Variants in SLC25A44 observed in about 807,000 individuals in gnomAD.
The protein encoded by SLC25A44 is solute carrier family 25, member 44.
In SLC25A44, 17 loss-of-function variants were observed where a neutral mutation model predicts 29.9. That is an observed-to-expected ratio of 0.57 (90% CI 0.39 to 0.85). SLC25A44 has a LOEUF of 0.85. Ranked by LOEUF, SLC25A44 falls within the 40% of genes least tolerant of loss-of-function variation. The pLI, the probability that SLC25A44 is intolerant of heterozygous loss-of-function variation, is 0.00. For missense variants in SLC25A44, 302 were observed against 398.4 expected (o/e 0.76, Z 2.06); for synonymous variants, 140 against 151.8 (o/e 0.92, Z 0.57).
Position 156,199,950 on chromosome 1 carries a change from G to A in SLC25A44, c.103G>A (p.Val35Ile), listed in dbSNP as rs746490324. 4 of 1,614,070 alleles carry A rather than the reference G, an allele frequency of 2.5e-6. No homozygotes were observed. In the African/African-American group the frequency reaches 5.3e-5, roughly 22 times the overall value. ...VAMTMMIRVS[V>I]YPFTLIRTRL... Reference sequence around the variant, plus strand: ...AATGACAATGATGATCCGTGTCAGTGTCTACCCATTCACCCTCATCCGCAC... The same window carrying A: ...AATGACAATGATGATCCGTGTCAGTATCTACCCATTCACCCTCATCCGCAC... Residue 35 changes from valine (V) to isoleucine (I), a missense_variant, in exon 2 of 4, where the codon GTC becomes ATC. By Grantham distance (29) the Val-to-Ile change is conservative (BLOSUM62 3). Coordinates refer to ENST00000359511, the MANE Select transcript of SLC25A44 (RefSeq NM_014655.4).
chr1:156,207,392 G>T (rs1657018126), intron 2 of SLC25A44, among the ~76,000 whole-genome samples: 1 of 152,122 alleles, frequency 6.6e-6, no homozygotes, highest in Non-Finnish European at 1.5e-5. Context: ...TGTTAGCCAG[G>T]ATGGTCTTGA....
chr1:156,201,620 C>CCTT (rs113788986), intron 2 of SLC25A44, among the ~76,000 whole-genome samples: 1 of 151,504 alleles, frequency 6.6e-6, no homozygotes, highest in Non-Finnish European at 1.5e-5. Flanking sequence ...TCTTCTTCTT[C>CCTT]CTTCTTCCTC....
chr1:156,197,616 G>A (rs1432522868), intron 1 of SLC25A44: 2 of 152,152 alleles, frequency 1.3e-5, no homozygotes, highest in Non-Finnish European at 2.9e-5. Context: ...AATTAGCCGG[G>A]CGTGGTGGCA....
Position 156,198,648 on chromosome 1 carries a change from C to T in SLC25A44, c.-13-1187C>T, listed in dbSNP as rs1288923416. On this transcript the variant is annotated intron_variant, in intron 1 of 3. Coordinates refer to ENST00000359511, the MANE Select transcript of SLC25A44 (RefSeq NM_014655.4). The surrounding 1 kb of genome is among the most constrained non-coding windows in gnomAD (Gnocchi z 4.1). ...TTATATATTGTAGAGACGGAGTCTC[C>T]CTATGTTGCCTAGGCTGACCTTGAG... 1 of 152,036 alleles carries T rather than the reference C, an allele frequency of 6.6e-6. No individual in the cohort carries two copies. The highest frequency in any genetic ancestry group is 2.4e-5 in the African/African-American group (1 of 41,372). 9.4% of individuals were successfully genotyped at this position (152,036 alleles called of 1,614,324 possible). A position where few individuals can be genotyped will look rare whatever the true frequency, so the allele number is the denominator to read the frequency against.
chr1:156,197,008 T>G (rs1476120054), intron 1 of SLC25A44: 1 of 152,254 alleles, frequency 6.6e-6, no homozygotes, highest in Non-Finnish European at 1.5e-5. Context: ...GCCTGTTACT[T>G]TTAACCTACC....
At chr1:156,203,657 GTCCCTCCCTCCC>G (rs951973975) in intron 2 of SLC25A44, among the ~76,000 whole-genome samples, 101 of 149,574 alleles carry the variant, frequency 6.8e-4, no homozygotes, top group African/African-American at 2.3e-3. Context: ...AAGATGTGGA[GTCCCTCCCTCCC>G]TCCCTTCCTT....
chr1:156,200,517 ATGGGGCTGAGATACTG>A (rs1405642713), intron 2 of SLC25A44, 45 bp downstream of exon 2: 2 of 1,528,276 alleles, frequency 1.3e-6, no homozygotes, highest in African/African-American at 2.7e-5. Flanking sequence ...GGGATTTCTA[ATGGGGCTGAGATACTG>A]TTGCTTTGTG....
Position 156,210,673 on chromosome 1 carries a change from G to A in SLC25A44, c.*242G>A, listed in dbSNP as rs563217449. 3.3e-6 allele frequency: 1 copy of A among 303,376 alleles called. No individual in the cohort carries two copies. The highest frequency in any genetic ancestry group is 9.8e-5 in the South Asian group (1 of 10,218). 18.8% of individuals were successfully genotyped at this position (303,376 alleles called of 1,614,324 possible). A position where few individuals can be genotyped will look rare whatever the true frequency, so the allele number is the denominator to read the frequency against. ...AGCTGGGCTCCCTCACTCAGTCCCT[G>A]TATTTGATACTGGCCTAAAGACCCC... On this transcript the variant is annotated 3_prime_UTR_variant, in exon 4 of 4. Transcript: ENST00000359511.
chr1:156,207,254 T>C (rs1448423613), intron 2 of SLC25A44, among the ~76,000 whole-genome samples: 1 of 151,216 alleles, frequency 6.6e-6, no homozygotes, highest in Non-Finnish European at 1.5e-5. Context: ...CTTGGCTCAC[T>C]GCAAACTCCG....
rs1302529317 is a variant in SLC25A44, at chr1:156,198,177, A to G, written c.-13-1658A>G. 1 of 152,092 alleles carries G rather than the reference A, an allele frequency of 6.6e-6. No individual in the cohort carries two copies. The highest frequency in any genetic ancestry group is 1.5e-5 in the Non-Finnish European group (1 of 68,040). The allele number at this position is 152,092 out of a possible 1,614,324, so 9.4% of individuals were successfully genotyped here. On this transcript the variant is annotated intron_variant, in intron 1 of 3. Coordinates refer to ENST00000359511, the MANE Select transcript of SLC25A44 (RefSeq NM_014655.4). The surrounding 1 kb of genome is among the most constrained non-coding windows in gnomAD (Gnocchi z 4.1). ...AAAGTCTGGGGAGCCCCTGCTTCTC[A>G]TTTCCTGGAATTTATCTTCCCAGTC...
chr1:156,208,010 G>A lies in SLC25A44; in HGVS notation c.750G>A (p.Val250=). The change falls in exon 3 of 4, where the codon GTG becomes GTA. Residue 250 remains valine, a synonymous_variant. Coordinates refer to ENST00000359511, the MANE Select transcript of SLC25A44 (RefSeq NM_014655.4). The part of the protein sequence containing the change: ...TNPMDVIRTR[V]QVEGKNSIIL... ...CCATGGATGTCATACGAACCCGTGT[G>A]CAGGTAAGACTGACCACTTCCCTCA... 2 of 1,614,078 alleles carry A rather than the reference G, an allele frequency of 1.2e-6. No individual in the cohort carries two copies. The highest frequency in any genetic ancestry group is 8.5e-7 in the Non-Finnish European group (1 of 1,179,930).
rs1242122531 is a variant in SLC25A44 at position 156,210,529 on chromosome 1, C to T, written c.*98C>T. On this transcript the variant is annotated 3_prime_UTR_variant, in exon 4 of 4. Coordinates refer to ENST00000359511, the MANE Select transcript of SLC25A44 (RefSeq NM_014655.4). ...CCTCTCCAGGTGCTCCCACCACACA[C>T]CCAGCCCTGCCCTGGGCCAAGTGGC... 6.0e-6 allele frequency: 5 copies of T among 837,796 alleles called. No homozygotes were observed. Among genetic ancestry groups the T allele is most frequent in the Non-Finnish European group, 8.9e-6 (5 of 563,808 alleles). The allele number at this position is 837,796 out of a possible 1,614,324, so 51.9% of individuals were successfully genotyped here.
At chr1:156,195,019 A>G (rs752410437) in intron 1 of SLC25A44, among the ~76,000 whole-genome samples, 37 of 152,198 alleles carry the variant, frequency 2.4e-4, no homozygotes, top group Admixed American at 5.9e-4. Context: ...ATCACTGTCC[A>G]GTAGAACTTT....
intron 1 of SLC25A44, among the ~76,000 whole-genome samples, chr1:156,195,286 G>A (rs564664721): frequency 6.6e-6 from 1 of 152,176 alleles, no homozygotes; most frequent in African/African-American, 2.4e-5. Flanking sequence ...TGTATTTTTA[G>A]TAGAGACGGG....
chr1:156,204,013 T>C (rs1334347006), intron 2 of SLC25A44, among the ~76,000 whole-genome samples: 2 of 145,314 alleles, frequency 1.4e-5, no homozygotes, highest in Admixed American at 6.9e-5. Flanking sequence ...CCTTCTTCTT[T>C]TTTTTTTTTT....
At chr1:156,196,697 A>G (rs750372505) in intron 1 of SLC25A44, 17 of 152,370 alleles carry the variant, frequency 1.1e-4, no homozygotes, top group Middle Eastern at 3.4e-3. Flanking sequence ...CGTGACTGCC[A>G]GCCATTAAGC....
At chr1:156,207,382 T>C (rs1327540261) in intron 2 of SLC25A44, among the ~76,000 whole-genome samples, 2 of 152,146 alleles carry the variant, frequency 1.3e-5, no homozygotes, top group Non-Finnish European at 2.9e-5. Context: ...GGTTTCACCA[T>C]GTTAGCCAGG....
chr1:156,203,245 T>C (rs548778337), intron 2 of SLC25A44, among the ~76,000 whole-genome samples: 1 of 152,342 alleles, frequency 6.6e-6, no homozygotes, highest in East Asian at 1.9e-4. Context: ...CTTTATGTGG[T>C]TGGCTCCTTC....
chr1:156,210,408 C>A lies in SLC25A44; in HGVS notation c.922C>A (p.Leu308Met). 1 of 1,588,428 alleles carries A rather than the reference C, an allele frequency of 6.3e-7. No individual in the cohort carries two copies. Among genetic ancestry groups the A allele is most frequent in the Admixed American group, 1.8e-5 (1 of 55,450 alleles). The change falls in exon 4 of 4, where the codon CTG (leucine) becomes ATG (methionine). Residue 308 changes from leucine to methionine, a missense_variant. Transcript: ENST00000359511. The part of the protein sequence containing the change: ...SLKKLSLRPE[L>M]VDSRHW ...CAAGAAACTCAGCCTCCGACCTGAG[C>A]TGGTGGACTCGAGACACTGGTAACC...
Sources: allele counts gnomAD v4.1 joint callset (sites outside exome capture counted in the v4.1 genomes callset), GRCh38; gene constraint gnomAD v4.1.1; non-coding constraint Gnocchi (gnomAD v3.1); transcripts MANE v1.5; gene names NCBI Gene and HGNC (gene_info 2026-07-23, HGNC 2026-07-21).